The following STARD13 variants were observed in gnomAD, a reference collection of about 807,000 sequenced individuals.
The protein encoded by STARD13 is StAR related lipid transfer domain containing 13, also known as stAR-related lipid transfer protein 13.
Under a neutral mutation model 106.4 loss-of-function variants are expected in STARD13, and 62 were observed. That is an observed-to-expected ratio of 0.58 (90% CI 0.48 to 0.72). STARD13 has a LOEUF of 0.72. Among genes scored for constraint, STARD13 ranks in the 30% least tolerant of loss-of-function variants. The probability of loss-of-function intolerance (pLI) is 0.00; values close to 1 mark genes in which losing one functional copy is unlikely to be tolerated. For synonymous variants in STARD13, 565 were observed against 553.0 expected, an observed-to-expected ratio of 1.02 and a Z score of -0.31; for missense variants, 1,387 against 1,424.0, an observed-to-expected ratio of 0.97 and a Z score of 0.42.
At chr13:33,524,645 G>T in the STARD13 span, among the ~76,000 whole-genome samples, 1 of 152,006 alleles carries the variant, frequency 6.6e-6, no homozygotes, top group South Asian at 2.1e-4. Flanking sequence ...ATAAATTATA[G>T]AACTATATTG....
the STARD13 span, among the ~76,000 whole-genome samples, chr13:33,675,444 G>A: frequency 6.6e-6 from 1 of 152,220 alleles, no homozygotes; most frequent in Non-Finnish European, 1.5e-5. Context: ...CAGATTTTAG[G>A]TAGGATGTCC....
At chr13:33,590,465 A>G in the STARD13 span, among the ~76,000 whole-genome samples, 1 of 152,028 alleles carries the variant, frequency 6.6e-6, no homozygotes, top group African/African-American at 2.4e-5. Flanking sequence ...TCCATCAATG[A>G]TAGACTGGAT....
At chr13:33,506,998 G>A in the STARD13 span, among the ~76,000 whole-genome samples, 1 of 152,160 alleles carries the variant, frequency 6.6e-6, no homozygotes, top group Non-Finnish European at 1.5e-5. Flanking sequence ...CTACTTAGGA[G>A]GCTCAGGTGA....
intron 1 of STARD13, among the ~76,000 whole-genome samples, chr13:33,308,525 T>TTC (rs1555260954): frequency 2.9e-5 from 4 of 140,194 alleles, no homozygotes; most frequent in South Asian, 2.4e-4. Context: ...TCTTTCTTTT[T>TTC]TTTTTTTTTT....
chr13:33,288,182 T>A (rs1048472525), upstream of STARD13, among the ~76,000 whole-genome samples: 8 of 152,310 alleles, frequency 5.3e-5, no homozygotes, highest in East Asian at 9.6e-4. Context: ...GGGTGTCTGG[T>A]TCTGAAAACA....
chr13:33,605,189 T>C, the STARD13 span, among the ~76,000 whole-genome samples: 1 of 143,040 alleles, frequency 7.0e-6, no homozygotes, highest in Admixed American at 7.4e-5. Flanking sequence ...CAGTGAGCCA[T>C]GACAGTACCA....
chr13:33,201,690 G>C (rs1206336321), intron 1 of STARD13, among the ~76,000 whole-genome samples: 1 of 152,110 alleles, frequency 6.6e-6, no homozygotes, highest in Non-Finnish European at 1.5e-5. Context: ...TTATTGTTCT[G>C]TCAAAGAATT....
rs1241332223 is a variant in STARD13, at chr13:33,129,961, A to T, written c.716T>A (p.Val239Asp). 2 of 1,613,262 alleles carry T rather than the reference A, an allele frequency of 1.2e-6. No individual in the cohort carries two copies. Among genetic ancestry groups the T allele is most frequent in the Non-Finnish European group, 1.7e-6 (2 of 1,179,864 alleles). ...CTTGGGGTGGAAGGGGTGGTTGAGG[A>T]CATCTCTGGGGGGCTGTGGGAGGCT... Reference protein sequence around the residue: ...SSSLPQPPRDVLNHPFHPKNE... With the variant: ...SSSLPQPPRDDLNHPFHPKNE... Residue 239 changes from valine (V) to aspartate (D), a missense_variant, in exon 5 of 14, where the codon GTC becomes GAC. Val to Asp is a radical substitution (Grantham distance 152). Coordinates refer to ENST00000336934, the MANE Select transcript of STARD13 (RefSeq NM_178006.4).
At chr13:33,116,251 C>A (rs566119511) in intron 8 of STARD13, among the ~76,000 whole-genome samples, 36 of 152,304 alleles carry the variant, frequency 2.4e-4, no homozygotes, top group African/African-American at 8.4e-4. Context: ...GAGCAGGTAC[C>A]CAAAATGTGT....
the STARD13 span, among the ~76,000 whole-genome samples, chr13:33,424,801 A>G: frequency 1.2e-4 from 19 of 152,226 alleles, no homozygotes; most frequent in African/African-American, 4.6e-4. Context: ...TAGAAGTCCA[A>G]TTCATCTTGT....
At position 33,165,375 on chromosome 13, in the gene STARD13, A is replaced by G. The variant is rs761993989; in HGVS notation, c.285T>C (p.His95=). The G allele has an allele frequency of 2.4e-5, 39 of 1,614,058 alleles. 1 individual carries two copies. In the African/African-American group the frequency reaches 2.8e-4, roughly 12 times the overall value. ...CTACAAGGTCCTTTTCAAGAAAATC[A>G]TGATCATTCTTGACAGCCACAATGT... ...PINIVAVKND[H]DFLEKDLVEP... Residue 95 remains histidine, a synonymous_variant, in exon 3 of 14, where the codon CAT becomes CAC. Coordinates refer to ENST00000336934, the MANE Select transcript of STARD13 (RefSeq NM_178006.4).
chr13:33,440,462 C>T, the STARD13 span, among the ~76,000 whole-genome samples: 2,723 of 151,904 alleles, frequency 0.018, 75 homozygotes, highest in African/African-American at 0.062. Context: ...ACTACTCCTT[C>T]CTTCTGCAAC....
chr13:33,418,689 G>C, the STARD13 span, among the ~76,000 whole-genome samples: 18 of 152,206 alleles, frequency 1.2e-4, no homozygotes, highest in African/African-American at 4.3e-4. Flanking sequence ...CTCCCAGTAG[G>C]GGCCAACAGA....
At chr13:33,165,493 G>T in intron 2 of STARD13, 75 bp from the exon 3 acceptor site, 1 of 1,097,594 alleles carries the variant, frequency 9.1e-7, no homozygotes, top group Non-Finnish European at 1.4e-6. Flanking sequence ...GACCTTCAAG[G>T]TCTGTAAAAG....
At chr13:33,205,781 A>G in intron 1 of STARD13, 1 of 904,614 alleles carries the variant, frequency 1.1e-6, no homozygotes, top group Non-Finnish European at 1.3e-6. Context: ...TGTCTTTCCC[A>G]CCACCACGAC....
At chr13:33,335,646 A>T (rs148178335) in intron 1 of STARD13, among the ~76,000 whole-genome samples, 2 of 152,264 alleles carry the variant, frequency 1.3e-5, no homozygotes, top group African/African-American at 4.8e-5. Context: ...AACACGTACC[A>T]TTATGTAGTC....
chr13:33,379,291 A>G, the STARD13 span, among the ~76,000 whole-genome samples: 1 of 152,210 alleles, frequency 6.6e-6, no homozygotes, highest in East Asian at 1.9e-4. Context: ...AATAGTCCAC[A>G]TTAAAAATAC....
chr13:33,572,671 G>T, the STARD13 span, among the ~76,000 whole-genome samples: 2 of 152,124 alleles, frequency 1.3e-5, no homozygotes, highest in Admixed American at 6.5e-5. Context: ...TATCCAAGGG[G>T]TTCCACCTCC....
intron 13 of STARD13, among the ~76,000 whole-genome samples, chr13:33,106,195 G>A (rs531163789): frequency 2.0e-5 from 3 of 152,302 alleles, no homozygotes; most frequent in South Asian, 2.1e-4. Flanking sequence ...TGAGGTGGGC[G>A]GATCACCTGA....
Sources: gnomAD v4.1 joint callset for allele counts (sites outside exome capture counted in the v4.1 genomes callset) on GRCh38, gnomAD v4.1.1 for gene constraint, MANE v1.5 for transcripts, NCBI Gene and HGNC (gene_info 2026-07-23, HGNC 2026-07-21) for gene names.